The following OR2L13 variants were observed in gnomAD, a reference collection of about 807,000 sequenced individuals.
The protein encoded by OR2L13 is olfactory receptor family 2 subfamily L member 13.
OR2L13 carries 14 observed loss-of-function variants against 15.3 expected under a neutral mutation model. That is an observed-to-expected ratio of 0.91 (90% confidence interval 0.60 to 1.43). OR2L13 has a LOEUF of 1.43. Among genes scored for constraint, OR2L13 ranks in the 40% most tolerant of loss-of-function variants. OR2L13 has a pLI of 0.00. For synonymous variants in OR2L13, 152 were observed against 142.9 expected, an observed-to-expected ratio of 1.06 and a Z score of -0.45; for missense variants, 367 against 387.9, an observed-to-expected ratio of 0.95 and a Z score of 0.45.
At chr1:248,011,933 C>T in the OR2L13 span, among the ~76,000 whole-genome samples, 1 of 152,066 alleles carries the variant, frequency 6.6e-6, no homozygotes. Context: ...AGTCTTGTAT[C>T]TTTGGGAGAT....
the OR2L13 span, chr1:248,004,034 C>T: frequency 3.1e-6 from 5 of 1,612,496 alleles, no homozygotes; most frequent in South Asian, 1.1e-5. Flanking sequence ...GGCCCTGACA[C>T]GAGTGAGTCA....
At chr1:248,001,454 T>G in the OR2L13 span, among the ~76,000 whole-genome samples, 13 of 152,026 alleles carry the variant, frequency 8.6e-5, no homozygotes, top group East Asian at 2.5e-3. Context: ...ACTGAATTTT[T>G]AGTGAAAAGA....
At chr1:248,022,228 T>A in the OR2L13 span, 1 of 1,614,172 alleles carries the variant, frequency 6.2e-7, no homozygotes, top group East Asian at 2.2e-5. Context: ...ATCTCCTTCA[T>A]TGGGTGTGGG....
At chr1:247,949,682 C>G in the OR2L13 span, 1 of 1,613,936 alleles carries the variant, frequency 6.2e-7, no homozygotes, top group East Asian at 2.2e-5. Context: ...TTCTGGCTGT[C>G]TTCTACACCA....
chr1:248,030,433 T>C, the OR2L13 span, among the ~76,000 whole-genome samples: 1 of 152,162 alleles, frequency 6.6e-6, no homozygotes, highest in African/African-American at 2.4e-5. Context: ...TGCAACTAAT[T>C]CATAAATGTG....
At chr1:248,048,777 G>GAA in the OR2L13 span, among the ~76,000 whole-genome samples, 1 of 152,082 alleles carries the variant, frequency 6.6e-6, no homozygotes, top group African/African-American at 2.4e-5. Flanking sequence ...CAGAAGACAG[G>GAA]AAGTAAACCA....
At chr1:247,937,518 C>T in the OR2L13 span, 3 of 157,556 alleles carry the variant, frequency 1.9e-5, no homozygotes, top group Admixed American at 6.5e-5. Flanking sequence ...CTTCCATCAA[C>T]CCCTCAGCTA....
At chr1:248,033,613 T>G in the OR2L13 span, among the ~76,000 whole-genome samples, 2 of 151,612 alleles carry the variant, frequency 1.3e-5, no homozygotes, top group Non-Finnish European at 2.9e-5. Context: ...ATTTTTGTTT[T>G]TTTTTTTTTG....
chr1:247,938,273 G>C, the OR2L13 span, among the ~76,000 whole-genome samples: 4 of 152,064 alleles, frequency 2.6e-5, no homozygotes, highest in Non-Finnish European at 5.9e-5. Flanking sequence ...AAAATGTATT[G>C]CTAAGAGACG....
the OR2L13 span, among the ~76,000 whole-genome samples, chr1:247,976,876 T>C: frequency 6.6e-6 from 1 of 152,182 alleles, no homozygotes; most frequent in African/African-American, 2.4e-5. Flanking sequence ...AAGGATACAA[T>C]TGGTTTTACC....
upstream of OR2L13, among the ~76,000 whole-genome samples, chr1:248,096,664 A>G (rs1379217187): frequency 1.3e-5 from 2 of 152,112 alleles, no homozygotes; most frequent in African/African-American, 4.8e-5. Context: ...ACTATTTGCT[A>G]TTGGTCTCCT....
chr1:247,969,959 C>T, the OR2L13 span, among the ~76,000 whole-genome samples: 2 of 152,084 alleles, frequency 1.3e-5, no homozygotes, highest in Non-Finnish European at 2.9e-5. Context: ...GGGTTAATTC[C>T]GCCAGGTTTT....
chr1:247,980,744 G>GA, the OR2L13 span: 1 of 152,232 alleles, frequency 6.6e-6, no homozygotes, highest in Non-Finnish European at 1.5e-5. Flanking sequence ...AGAAACACCG[G>GA]AATCATGGTT....
At chr1:248,092,740 T>C (rs893188530), upstream of OR2L13, among the ~76,000 whole-genome samples, 1 of 152,044 alleles carries the variant, frequency 6.6e-6, no homozygotes. Context: ...CATCACAGAG[T>C]AATTCATTAC....
the OR2L13 span, among the ~76,000 whole-genome samples, chr1:248,069,455 A>T: frequency 6.6e-6 from 1 of 152,222 alleles, no homozygotes; most frequent in Non-Finnish European, 1.5e-5. Flanking sequence ...GGCCTGACCT[A>T]AAAGAGCTCC....
chr1:248,097,634 C>T (rs938948808), intron 1 of OR2L13, among the ~76,000 whole-genome samples: 1 of 152,126 alleles, frequency 6.6e-6, no homozygotes, highest in Non-Finnish European at 1.5e-5. Context: ...GTCTATGCAA[C>T]AAAGAATCAA....
the OR2L13 span, among the ~76,000 whole-genome samples, chr1:248,071,035 T>A: frequency 6.6e-6 from 1 of 152,096 alleles, no homozygotes; most frequent in Non-Finnish European, 1.5e-5. Flanking sequence ...ACAGCCGAAT[T>A]CTACCAGAGG....
At chr1:248,047,342 A>T in the OR2L13 span, among the ~76,000 whole-genome samples, 1 of 152,082 alleles carries the variant, frequency 6.6e-6, no homozygotes, top group Non-Finnish European at 1.5e-5. Flanking sequence ...ATTTTACCTT[A>T]TATGAATCCA....
At chr1:248,035,846 C>A in the OR2L13 span, among the ~76,000 whole-genome samples, 1 of 152,086 alleles carries the variant, frequency 6.6e-6, no homozygotes, top group Non-Finnish European at 1.5e-5. Context: ...CACTTTATAT[C>A]TGCAGTAAGG....
Sources: gnomAD v4.1 joint callset for allele counts (sites outside exome capture counted in the v4.1 genomes callset) on GRCh38, gnomAD v4.1.1 for gene constraint, MANE v1.5 for transcripts, NCBI Gene and HGNC (gene_info 2026-07-23, HGNC 2026-07-21) for gene names.